Variants in ITPKB observed in about 807,000 individuals in gnomAD.
ITPKB encodes the protein IP3 3-kinase B.
ITPKB carries 13 observed loss-of-function variants against 69.4 expected under a neutral mutation model. That is an observed-to-expected ratio of 0.19 (90% CI 0.12 to 0.30). The LOEUF (loss-of-function observed/expected upper bound fraction) is 0.30, where lower values mean the gene tolerates loss of function less well. Ranked by LOEUF, ITPKB falls within the 10% of genes least tolerant of loss-of-function variation. ITPKB has a pLI of 1.00. For synonymous variants in ITPKB, 584 were observed against 513.7 expected, an observed-to-expected ratio of 1.14 and a Z score of -1.85; for missense variants, 1,240 against 1,250.5, an observed-to-expected ratio of 0.99 and a Z score of 0.13.
In ITPKB at chr1:226,735,894, C is replaced by T. The variant is rs1351254316; in HGVS notation, c.1565G>A (p.Arg522His). 2.5e-6 allele frequency: 4 copies of T among 1,612,462 alleles called. No homozygotes were observed. Among genetic ancestry groups the T allele is most frequent in the South Asian group, 2.2e-5 (2 of 91,034 alleles). ...TMEKAGLAWTRGTGVQSEGTW... is the reference protein window; with the variant it reads ...TMEKAGLAWTHGTGVQSEGTW... Reference sequence around the variant, plus strand: ...CCCCTCTGATTGCACCCCTGTGCCACGCGTCCAAGCCAAACCGGCTTTCTC... The same window carrying T: ...CCCCTCTGATTGCACCCCTGTGCCATGCGTCCAAGCCAAACCGGCTTTCTC... The change falls in exon 2 of 8, where the codon CGT becomes CAT. Residue 522 changes from arginine to histidine, a missense_variant. This residue lies in a region of ITPKB where 992 missense variants were observed against 853.8 expected (regional missense o/e 1.16). Coordinates refer to ENST00000429204, the MANE Select transcript of ITPKB (RefSeq NM_002221.4).
In ITPKB at chr1:226,664,217, T is replaced by C. The variant is rs559497438; in HGVS notation, c.1933-15446A>G. Among the ~76,000 whole-genome samples the C allele has an allele frequency of 2.5e-4, 38 of 152,354 alleles. No homozygotes were observed. In the East Asian group the frequency reaches 4.0e-3, roughly 16 times the overall value. Reference sequence around the variant, plus strand: ...ATCTGAAAAATGTATTCTGGAATGATAGAGGCTGAAGAACGGGCTTAAATG... The same window carrying C: ...ATCTGAAAAATGTATTCTGGAATGACAGAGGCTGAAGAACGGGCTTAAATG... On this transcript the variant is annotated intron_variant, in intron 2 of 7. Transcript: ENST00000429204.
intron 2 of ITPKB, among the ~76,000 whole-genome samples, chr1:226,653,091 T>TGTGACAGGCCCGGGTTAGAGAATTATG (rs1669227300): frequency 6.6e-6 from 1 of 152,220 alleles, no homozygotes; most frequent in African/African-American, 2.4e-5. Flanking sequence ...GCTCTCGCTA[T>TGTGACAGGCCCGGGTTAGAGAATTATG]GTGACAGGCC....
At chr1:226,694,203 G>A (rs1038114663) in intron 2 of ITPKB, among the ~76,000 whole-genome samples, 1 of 152,208 alleles carries the variant, frequency 6.6e-6, no homozygotes, top group African/African-American at 2.4e-5. Flanking sequence ...AAATCAGGAA[G>A]AATGCCATAA....
At chr1:226,654,038 G>A (rs1669241579) in intron 2 of ITPKB, among the ~76,000 whole-genome samples, 1 of 152,164 alleles carries the variant, frequency 6.6e-6, no homozygotes, top group Admixed American at 6.5e-5. Context: ...TTCACTCAGA[G>A]AAATGTGGAA....
At chr1:226,721,965 C>A (rs920693898) in intron 2 of ITPKB, among the ~76,000 whole-genome samples, 21 of 151,884 alleles carry the variant, frequency 1.4e-4, no homozygotes, top group African/African-American at 4.8e-4. Context: ...AGGCGCGCAC[C>A]ACCACACCCA....
intron 2 of ITPKB, among the ~76,000 whole-genome samples, chr1:226,668,138 C>T (rs1669540986): frequency 6.6e-6 from 1 of 152,188 alleles, no homozygotes; most frequent in Admixed American, 6.5e-5. Context: ...AATCCAACAC[C>T]TCCCCCAACA....
chr1:226,696,545 C>T (rs1356896488), intron 2 of ITPKB, among the ~76,000 whole-genome samples: 6 of 152,120 alleles, frequency 3.9e-5, no homozygotes, highest in African/African-American at 1.4e-4. Flanking sequence ...TTTCTGAGAA[C>T]ATAATTTCTA....
intron 2 of ITPKB, among the ~76,000 whole-genome samples, chr1:226,694,630 G>A (rs1290760804): frequency 6.6e-6 from 1 of 152,212 alleles, no homozygotes; most frequent in Non-Finnish European, 1.5e-5. Flanking sequence ...TTAGCCATCA[G>A]TGTTTCTCAA....
chr1:226,697,608 T>C (rs750448769), intron 2 of ITPKB, among the ~76,000 whole-genome samples: 1 of 152,326 alleles, frequency 6.6e-6, no homozygotes, highest in Non-Finnish European at 1.5e-5. Flanking sequence ...ACATACCTGA[T>C]AGGCGAACTG....
chr1:226,666,390 C>T (rs1440405996), intron 2 of ITPKB, among the ~76,000 whole-genome samples: 1 of 152,182 alleles, frequency 6.6e-6, no homozygotes, highest in Non-Finnish European at 1.5e-5. Context: ...TTACCAGCTC[C>T]TTACCAAGGC....
At chr1:226,687,730 C>A (rs1172729446) in intron 2 of ITPKB, among the ~76,000 whole-genome samples, 1 of 152,230 alleles carries the variant, frequency 6.6e-6, no homozygotes, top group Non-Finnish European at 1.5e-5. Context: ...ACAGAGGGGC[C>A]ACACAGATAC....
Position 226,737,445 on chromosome 1 carries a change from C to T in ITPKB, c.14G>A (p.Cys5Tyr), listed in dbSNP as rs1254696906. 9 of 1,610,664 alleles carry T rather than the reference C, an allele frequency of 5.6e-6. No homozygotes were observed. Among genetic ancestry groups the T allele is most frequent in the Non-Finnish European group, 6.8e-6 (8 of 1,179,414 alleles). The change falls in exon 2 of 8, where the codon TGC becomes TAC. Residue 5 changes from cysteine (C) to tyrosine (Y), a missense_variant. By Grantham distance (194) the Cys-to-Tyr change is radical (BLOSUM62 -2). Transcript: ENST00000429204. ...GATCACCAGGCTATTGAGCGCATAG[C>T]AGTACACAGCCATAGTACTGGGTCC... MAVY[C>Y]YALNSLVIMN...
intron 2 of ITPKB, among the ~76,000 whole-genome samples, chr1:226,717,885 C>T (rs1469684879): frequency 1.3e-5 from 2 of 152,238 alleles, no homozygotes; most frequent in Admixed American, 6.5e-5. Context: ...AGGCTTTTGA[C>T]ACCCTGCCCG....
chr1:226,646,321 C>T (rs1238843807), intron 4 of ITPKB, among the ~76,000 whole-genome samples: 2 of 152,178 alleles, frequency 1.3e-5, no homozygotes, highest in East Asian at 1.9e-4. Context: ...GAGAAGGAGC[C>T]GTGCTGTGGA....
At chr1:226,685,355 A>G (rs1176253552) in intron 2 of ITPKB, among the ~76,000 whole-genome samples, 1 of 152,098 alleles carries the variant, frequency 6.6e-6, no homozygotes, top group East Asian at 1.9e-4. Context: ...TCCTGGCGAC[A>G]TTGACCCACT....
intron 2 of ITPKB, among the ~76,000 whole-genome samples, chr1:226,668,007 G>A (rs909995673): frequency 2.0e-5 from 3 of 152,174 alleles, no homozygotes; most frequent in Admixed American, 2.0e-4. Context: ...GGCCTGGCAC[G>A]GAGCAGTTTG....
At position 226,738,179 on chromosome 1, in the gene ITPKB, C is replaced by A. The variant is rs1192802472; in HGVS notation, c.-205-516G>T. Among the ~76,000 whole-genome samples the A allele has an allele frequency of 6.6e-6, 1 of 152,122 alleles. No homozygotes were observed. Among genetic ancestry groups the A allele is most frequent in the East Asian group, 1.9e-4 (1 of 5,186 alleles). ...CCGACCGGCTCGGAGGGAACCTAAG[C>A]GGGACCTGCCTTGCCCGAGCCGCTG... is the stretch of plus-strand genomic sequence containing the variant. On this transcript the variant is annotated intron_variant, in intron 1 of 7. Transcript: ENST00000429204. The surrounding 1 kb of genome is among the most constrained non-coding windows in gnomAD (Gnocchi z 4.2).
chr1:226,643,708 C>T (rs1669008426), intron 4 of ITPKB, among the ~76,000 whole-genome samples: 1 of 152,234 alleles, frequency 6.6e-6, no homozygotes. Flanking sequence ...TGAACTTAGG[C>T]CTGGCTGGTT....
chr1:226,636,941 CATGTGTGTGA>C (rs1484376260), intron 7 of ITPKB, among the ~76,000 whole-genome samples: 1 of 151,750 alleles, frequency 6.6e-6, no homozygotes, highest in Non-Finnish European at 1.5e-5. Flanking sequence ...GATTGATCTG[CATGTGTGTGA>C]ATGTGTGTGA....
Sources: allele counts gnomAD v4.1 joint callset (sites outside exome capture counted in the v4.1 genomes callset), GRCh38; gene constraint gnomAD v4.1.1; regional missense constraint gnomAD v4.1.1; non-coding constraint Gnocchi (gnomAD v3.1); transcripts MANE v1.5; gene names NCBI Gene and HGNC (gene_info 2026-07-23, HGNC 2026-07-21).